The following LGSN variants were observed in gnomAD, a reference collection of about 807,000 sequenced individuals.
LGSN encodes the protein lengsin, lens protein with glutamine synthetase domain, also known as lengsin.
Under a neutral mutation model 19.5 loss-of-function variants are expected in LGSN, and 21 were observed. That is an observed-to-expected ratio of 1.07 (90% confidence interval 0.76 to 1.55). The LOEUF is 1.55. Among genes scored for constraint, LGSN ranks in the 40% most tolerant of loss-of-function variants. The pLI, the probability that LGSN is intolerant of heterozygous loss-of-function variation, is 0.00. For synonymous variants in LGSN, 257 were observed against 215.6 expected (o/e 1.19, Z -1.68); for missense variants, 673 against 608.5 (o/e 1.11, Z -1.12).
the LGSN span, among the ~76,000 whole-genome samples, chr6:63,496,331 A>G: frequency 6.6e-6 from 1 of 152,224 alleles, no homozygotes; most frequent in Non-Finnish European, 1.5e-5. Flanking sequence ...ATGGCAGACT[A>G]TATTTTCTAT....
chr6:63,518,900 G>A, the LGSN span, among the ~76,000 whole-genome samples: 1 of 151,700 alleles, frequency 6.6e-6, no homozygotes, highest in Non-Finnish European at 1.5e-5. Context: ...TCAGATTTTA[G>A]AAAAAAAAGC....
chr6:63,561,704 G>A, the LGSN span, among the ~76,000 whole-genome samples: 1 of 152,158 alleles, frequency 6.6e-6, no homozygotes, highest in Non-Finnish European at 1.5e-5. Flanking sequence ...CCACAAACAT[G>A]ATACATAAAC....
chr6:63,422,514 T>A, the LGSN span, among the ~76,000 whole-genome samples: 2 of 152,194 alleles, frequency 1.3e-5, no homozygotes, highest in African/African-American at 4.8e-5. Flanking sequence ...GCTATGAACC[T>A]ATAAATTATC....
At chr6:63,388,215 C>T in the LGSN span, among the ~76,000 whole-genome samples, 5 of 151,796 alleles carry the variant, frequency 3.3e-5, no homozygotes, top group African/African-American at 9.7e-5. Flanking sequence ...AGTATCATTT[C>T]GTAATTTAAA....
At chr6:63,445,932 G>C in the LGSN span, among the ~76,000 whole-genome samples, 1 of 152,084 alleles carries the variant, frequency 6.6e-6, no homozygotes, top group African/African-American at 2.4e-5. Flanking sequence ...CCAAGTAAAA[G>C]CATCTTGACA....
the LGSN span, among the ~76,000 whole-genome samples, chr6:63,442,415 C>A: frequency 6.6e-6 from 1 of 151,862 alleles, no homozygotes; most frequent in African/African-American, 2.4e-5. Context: ...GATGATTCGT[C>A]CATTTTACAG....
the LGSN span, among the ~76,000 whole-genome samples, chr6:63,348,866 C>T: frequency 2.7e-5 from 4 of 150,682 alleles, no homozygotes; most frequent in Non-Finnish European, 4.4e-5. Flanking sequence ...ACTGAGATTA[C>T]AGGCATGAGC....
chr6:63,308,544 G>A (rs980025265), intron 1 of LGSN, among the ~76,000 whole-genome samples: 1 of 150,170 alleles, frequency 6.7e-6, no homozygotes, highest in African/African-American at 2.5e-5. Context: ...AGTTATTTAG[G>A]TTCTAAATAT....
chr6:63,529,137 G>GTA, the LGSN span, among the ~76,000 whole-genome samples: 46 of 136,792 alleles, frequency 3.4e-4, 1 homozygote, highest in African/African-American at 8.0e-4. Flanking sequence ...ATATGTGTGT[G>GTA]TATATATATA....
chr6:63,460,666 G>C, the LGSN span, among the ~76,000 whole-genome samples: 1 of 152,078 alleles, frequency 6.6e-6, no homozygotes, highest in Admixed American at 6.6e-5. Flanking sequence ...TGAAAACTAT[G>C]TTTCCCAGAA....
At chr6:63,298,738 G>A (rs1768077189) in intron 1 of LGSN, among the ~76,000 whole-genome samples, 1 of 152,210 alleles carries the variant, frequency 6.6e-6, no homozygotes. Flanking sequence ...AATTATAGTG[G>A]AATGCTCCAA....
the LGSN span, among the ~76,000 whole-genome samples, chr6:63,393,290 C>T: frequency 6.6e-6 from 1 of 152,010 alleles, no homozygotes; most frequent in African/African-American, 2.4e-5. Context: ...GCCTCAGCCT[C>T]TCCTCCCCAA....
chr6:63,497,918 C>CCTTTTTTTTT, the LGSN span, among the ~76,000 whole-genome samples: 2 of 121,906 alleles, frequency 1.6e-5, no homozygotes, highest in Non-Finnish European at 3.2e-5. Flanking sequence ...TGTCATGTTT[C>CCTTTTTTTTT]TTTTTTTTTT....
chr6:63,538,493 A>G, the LGSN span, among the ~76,000 whole-genome samples: 1 of 152,262 alleles, frequency 6.6e-6, no homozygotes, highest in African/African-American at 2.4e-5. Context: ...ACACTAAGTG[A>G]TAAAGTTACA....
the LGSN span, among the ~76,000 whole-genome samples, chr6:63,394,844 C>T: frequency 5.9e-4 from 90 of 152,340 alleles, no homozygotes; most frequent in African/African-American, 2.1e-3. Context: ...CCTCTGACAG[C>T]TCAGGAAGAC....
At chr6:63,544,037 G>A in the LGSN span, among the ~76,000 whole-genome samples, 28 of 151,958 alleles carry the variant, frequency 1.8e-4, no homozygotes, top group African/African-American at 6.5e-4. Flanking sequence ...GTAATTCTCC[G>A]CCCCCAACCC....
At chr6:63,460,567 C>T in the LGSN span, among the ~76,000 whole-genome samples, 1 of 152,086 alleles carries the variant, frequency 6.6e-6, no homozygotes, top group Non-Finnish European at 1.5e-5. Context: ...ACTGCATTTG[C>T]CCATGCTGAA....
At chr6:63,332,444 G>A in the LGSN span, among the ~76,000 whole-genome samples, 1 of 152,020 alleles carries the variant, frequency 6.6e-6, no homozygotes, top group East Asian at 1.9e-4. Flanking sequence ...ATGGCCGCAG[G>A]GTCAACCAAC....
At chr6:63,283,265 T>C (rs1284507461) in intron 3 of LGSN, among the ~76,000 whole-genome samples, 1 of 152,152 alleles carries the variant, frequency 6.6e-6, no homozygotes, top group African/African-American at 2.4e-5. Context: ...TAATATATTG[T>C]CTTAAGTAGT....
Sources: allele counts gnomAD v4.1 joint callset (sites outside exome capture counted in the v4.1 genomes callset), GRCh38; gene constraint gnomAD v4.1.1; transcripts MANE v1.5; gene names NCBI Gene and HGNC (gene_info 2026-07-23, HGNC 2026-07-21).